The following SLC44A5 variants were observed in gnomAD, a reference collection of about 807,000 sequenced individuals.
SLC44A5 encodes solute carrier family 44 member 5.
In SLC44A5, 57 loss-of-function variants were observed where a neutral mutation model predicts 101.8. The ratio of observed to expected loss-of-function variants is 0.56; its 90% CI spans 0.45 to 0.70. The LOEUF (loss-of-function observed/expected upper bound fraction) is 0.70, where lower values mean the gene tolerates loss of function less well. Among genes scored for constraint, SLC44A5 ranks in the 30% least tolerant of loss-of-function variants. SLC44A5 has a pLI of 0.00. For synonymous variants in SLC44A5, 281 were observed against 290.9 expected, an observed-to-expected ratio of 0.97 and a Z score of 0.35; for missense variants, 737 against 853.1, an observed-to-expected ratio of 0.86 and a Z score of 1.70.
At chr1:75,281,017 T>C (rs1193750194) in intron 5 of SLC44A5, among the ~76,000 whole-genome samples, 1 of 152,050 alleles carries the variant, frequency 6.6e-6, no homozygotes, top group Non-Finnish European at 1.5e-5. Flanking sequence ...TGGAACTGTG[T>C]AGTAGGCAGA....
At position 75,499,767 on chromosome 1, in the gene SLC44A5, T is replaced by A. The variant is rs528738022; in HGVS notation, c.13+41668A>T. ...TGAACACACTCAGTTCTTTGTCAAA[T>A]GTACAGATGCAGCTAGTGTAAATAT... On this transcript the variant is annotated intron_variant, in intron 2 of 23. Transcript: ENST00000370859. Among the ~76,000 whole-genome samples, 41 of 152,280 alleles carry A rather than the reference T, an allele frequency of 2.7e-4. 1 individual carries two copies. In the South Asian group the frequency reaches 7.9e-3, roughly 29 times the overall value.
intron 2 of SLC44A5, among the ~76,000 whole-genome samples, chr1:75,433,031 T>C (rs1162102711): frequency 1.3e-5 from 2 of 152,094 alleles, no homozygotes; most frequent in Admixed American, 6.6e-5. Flanking sequence ...TTCATTTTTG[T>C]AGCCTCAGTC....
the SLC44A5 span, among the ~76,000 whole-genome samples, chr1:75,617,182 A>C: frequency 6.6e-6 from 1 of 152,050 alleles, no homozygotes; most frequent in Non-Finnish European, 1.5e-5. Flanking sequence ...AATTTTTTTT[A>C]TATGCTGCAG....
intron 3 of SLC44A5, among the ~76,000 whole-genome samples, chr1:75,383,991 C>T (rs1661104123): frequency 6.6e-6 from 1 of 151,646 alleles, no homozygotes; most frequent in African/African-American, 2.4e-5. Context: ...AAATACTTTA[C>T]AGACAAGCAA....
At chr1:75,659,531 A>G in the SLC44A5 span, among the ~76,000 whole-genome samples, 12 of 131,464 alleles carry the variant, frequency 9.1e-5, no homozygotes, top group Non-Finnish European at 2.0e-4. Flanking sequence ...GCAGGCAGGG[A>G]AAACTAGGCC....
chr1:75,613,084 T>C (rs181550233), upstream of SLC44A5, among the ~76,000 whole-genome samples: 22 of 152,366 alleles, frequency 1.4e-4, no homozygotes, highest in East Asian at 4.2e-3. Flanking sequence ...TCTAGGCTTA[T>C]GGATAGTCTC....
chr1:75,666,300 C>T, the SLC44A5 span, among the ~76,000 whole-genome samples: 1 of 152,086 alleles, frequency 6.6e-6, no homozygotes, highest in Non-Finnish European at 1.5e-5. Flanking sequence ...CTATAAACAC[C>T]TCTACACAAA....
intron 1 of SLC44A5, among the ~76,000 whole-genome samples, chr1:75,543,464 G>A (rs1371480854): frequency 2.0e-5 from 3 of 151,552 alleles, no homozygotes; most frequent in East Asian, 1.9e-4. Flanking sequence ...TACTTTCACC[G>A]CTGCATTATC....
intron 2 of SLC44A5, among the ~76,000 whole-genome samples, chr1:75,538,882 A>G (rs1346099587): frequency 6.6e-6 from 1 of 152,116 alleles, no homozygotes; most frequent in Non-Finnish European, 1.5e-5. Flanking sequence ...GAGCTATTTG[A>G]GTAATAATAT....
chr1:75,248,814 G>A (rs925296510), intron 7 of SLC44A5, among the ~76,000 whole-genome samples: 1 of 152,070 alleles, frequency 6.6e-6, no homozygotes, highest in Non-Finnish European at 1.5e-5. Flanking sequence ...TACCTTTATA[G>A]TCAGGTTTTG....
intron 2 of SLC44A5, among the ~76,000 whole-genome samples, chr1:75,403,489 C>G (rs989636982): frequency 5.9e-5 from 9 of 152,162 alleles, no homozygotes; most frequent in African/African-American, 2.2e-4. Flanking sequence ...GACGAAGCTT[C>G]CAGAGGAAGA....
intron 2 of SLC44A5, among the ~76,000 whole-genome samples, chr1:75,447,689 C>T (rs1024334382): frequency 1.3e-5 from 2 of 152,086 alleles, no homozygotes; most frequent in Non-Finnish European, 2.9e-5. Flanking sequence ...AAAAACTAAA[C>T]TCACACAAAA....
the SLC44A5 span, among the ~76,000 whole-genome samples, chr1:75,700,096 A>G: frequency 6.6e-6 from 1 of 152,192 alleles, no homozygotes; most frequent in South Asian, 2.1e-4. Flanking sequence ...AGACAGATCA[A>G]TGAGACAGAA....
intron 2 of SLC44A5, among the ~76,000 whole-genome samples, chr1:75,459,947 C>T (rs1666407327): frequency 6.6e-6 from 1 of 152,160 alleles, no homozygotes; most frequent in African/African-American, 2.4e-5. Context: ...CAAAGCAGTG[C>T]TTAAGCAATG....
chr1:75,459,490 CA>C (rs1471889764), intron 2 of SLC44A5, among the ~76,000 whole-genome samples: 2 of 152,148 alleles, frequency 1.3e-5, no homozygotes. Flanking sequence ...CTATTCCCAG[CA>C]CCTGACAACC....
intron 1 of SLC44A5, among the ~76,000 whole-genome samples, chr1:75,582,724 A>G (rs1673769390): frequency 6.6e-6 from 1 of 152,228 alleles, no homozygotes; most frequent in African/African-American, 2.4e-5. Context: ...TAAAGTCTGA[A>G]GGTATCAAGG....
chr1:75,533,673 G>A (rs1042614448), intron 2 of SLC44A5, among the ~76,000 whole-genome samples: 1 of 152,134 alleles, frequency 6.6e-6, no homozygotes, highest in Non-Finnish European at 1.5e-5. Context: ...ATAAAATTAT[G>A]TAATACTCCT....
At chr1:75,659,627 CA>C in the SLC44A5 span, among the ~76,000 whole-genome samples, 21,465 of 98,492 alleles carry the variant, frequency 0.22, 2,477 homozygotes, top group Middle Eastern at 0.37. Flanking sequence ...CCATCTCTAC[CA>C]AAAAAAAAAA....
chr1:75,674,044 T>C, the SLC44A5 span, among the ~76,000 whole-genome samples: 1 of 151,984 alleles, frequency 6.6e-6, no homozygotes, highest in Admixed American at 6.6e-5. Context: ...CAGCAAAACA[T>C]GACCTCACCA....
Sources: allele counts gnomAD v4.1 joint callset (sites outside exome capture counted in the v4.1 genomes callset), GRCh38; gene constraint gnomAD v4.1.1; transcripts MANE v1.5; gene names NCBI Gene and HGNC (gene_info 2026-07-23, HGNC 2026-07-21).